PDE4D: variants seen among roughly 807,000 people sequenced by gnomAD.
PDE4D encodes the protein phosphodiesterase 4D, also known as 3',5'-cyclic-AMP phosphodiesterase 4D.
Under a neutral mutation model 87.4 loss-of-function variants are expected in PDE4D, and 24 were observed. That is an observed-to-expected ratio of 0.27 (90% CI 0.20 to 0.39). The LOEUF is 0.39. Ranked by LOEUF, PDE4D falls within the 10% of genes least tolerant of loss-of-function variation. The pLI, the probability that PDE4D is intolerant of heterozygous loss-of-function variation, is 1.00. For missense variants in PDE4D, 714 were observed against 1,041.0 expected (o/e 0.69, Z 4.32); for synonymous variants, 384 against 383.2 (o/e 1.00, Z -0.02).
In PDE4D at chr5:59,377,780, C is replaced by T. The variant is rs184903274; in HGVS notation, c.456-161812G>A. ...TCAAAACCACAATGAAATACCATCT[C>T]ACACCAGTCAGAATGGCTAGTATTA... On this transcript the variant is annotated intron_variant, in intron 1 of 14. Transcript: ENST00000340635. Among the ~76,000 whole-genome samples, 464 of 152,198 alleles carry T rather than the reference C, an allele frequency of 3.0e-3. 6 individuals are homozygous for T. The highest frequency in any genetic ancestry group is 0.01 in the African/African-American group (431 of 41,548).
At position 58,973,252 on chromosome 5, in the gene PDE4D, C is replaced by T. The variant is rs932818665; in HGVS notation, c.*1412G>A. Reference sequence around the variant, plus strand: ...AAAAGCTAGTCATGATATACAACCTCGTGGTTGAAATGAATGTTAACCCTA... The same window carrying T: ...AAAAGCTAGTCATGATATACAACCTTGTGGTTGAAATGAATGTTAACCCTA... On this transcript the variant is annotated 3_prime_UTR_variant, in exon 15 of 15. Transcript: ENST00000340635. 3 of 152,138 alleles carry T rather than the reference C, an allele frequency of 2.0e-5. No individual in the cohort carries two copies. Among genetic ancestry groups the T allele is most frequent in the African/African-American group, 4.8e-5 (2 of 41,432 alleles). The allele number at this position is 152,138 out of a possible 1,614,324, so 9.4% of individuals were successfully genotyped here. A position where few individuals can be genotyped will look rare whatever the true frequency, so the allele number is the denominator to read the frequency against.
At chr5:59,806,724 C>A (rs894114520) in intron 1 of PDE4D, among the ~76,000 whole-genome samples, 6 of 152,112 alleles carry the variant, frequency 3.9e-5, no homozygotes, top group African/African-American at 1.4e-4. Context: ...CAGTTAATAA[C>A]TATATTTTTT....
At chr5:60,296,059 A>G (rs746182511) in intron 1 of PDE4D, among the ~76,000 whole-genome samples, 2 of 152,146 alleles carry the variant, frequency 1.3e-5, no homozygotes, top group African/African-American at 4.8e-5. Context: ...GGCCTCTTTT[A>G]TAAGAGCACC....
chr5:59,849,188 A>G (rs1744312730), intron 1 of PDE4D, among the ~76,000 whole-genome samples: 1 of 152,010 alleles, frequency 6.6e-6, no homozygotes, highest in South Asian at 2.1e-4. Context: ...ATTCATTTAA[A>G]CATTTGGTTT....
At chr5:59,447,666 C>T (rs768460118) in intron 1 of PDE4D, among the ~76,000 whole-genome samples, 5 of 152,220 alleles carry the variant, frequency 3.3e-5, no homozygotes, top group Non-Finnish European at 5.9e-5. Flanking sequence ...ATGTAAAAAA[C>T]TTTAAGTACT....
chr5:59,849,217 C>T (rs1264499614), intron 1 of PDE4D, among the ~76,000 whole-genome samples: 1 of 151,136 alleles, frequency 6.6e-6, no homozygotes, highest in Non-Finnish European at 1.5e-5. Flanking sequence ...ATCTGGAAAA[C>T]TAAAAAAAAT....
chr5:59,439,859 C>T (rs575916912), intron 1 of PDE4D, among the ~76,000 whole-genome samples: 38 of 152,258 alleles, frequency 2.5e-4, no homozygotes, highest in Non-Finnish European at 5.0e-4. Context: ...TAGAGGTAAG[C>T]AGCTAGGTGC....
At chr5:60,426,161 A>G (rs956055000) in intron 1 of PDE4D, among the ~76,000 whole-genome samples, 13 of 152,204 alleles carry the variant, frequency 8.5e-5, no homozygotes, top group Non-Finnish European at 1.9e-4. Flanking sequence ...ATACCATTTG[A>G]CCCAGCCATC....
In PDE4D at chr5:60,049,445, C is replaced by A. The variant is rs937351498; in HGVS notation, c.43-60728G>T. On this transcript the variant is annotated intron_variant, in intron 2 of 16. Transcript: ENST00000502484. ...CCTTTGGACGAGGAGAGGCACTCTG[C>A]TTTTTAGAGTTTCCAGTTTTTCTGC... 5.9e-5 allele frequency among the ~76,000 whole-genome samples: 9 copies of A among 152,316 alleles called. No individual in the cohort carries two copies. In the South Asian group the frequency reaches 8.3e-4, roughly 14 times the overall value.
chr5:60,228,801 G>A lies in PDE4D; in HGVS notation c.-89-43114C>T, dbSNP rs564088140. The stretch of plus-strand genomic sequence containing the variant: ...GAGAGAGGCCCAGAAACTATACAGA[G>A]AGCGAGAAGTCATCCCAGCATCCCA... On this transcript the variant is annotated intron_variant, in intron 1 of 16. Transcript: ENST00000502484. 9.9e-5 allele frequency among the ~76,000 whole-genome samples: 15 copies of A among 152,194 alleles called. No homozygotes were observed. The South Asian group carries it at 3.1e-3, about 32-fold the overall frequency.
intron 1 of PDE4D, among the ~76,000 whole-genome samples, chr5:60,394,672 A>G (rs1762770264): frequency 6.6e-6 from 1 of 152,182 alleles, no homozygotes; most frequent in African/African-American, 2.4e-5. Context: ...GTGACCTCCA[A>G]AATTTTCCTT....
chr5:60,509,101 T>C (rs1750455616), intron 1 of PDE4D, among the ~76,000 whole-genome samples: 1 of 152,220 alleles, frequency 6.6e-6, no homozygotes, highest in South Asian at 2.1e-4. Flanking sequence ...GGTTGCACCA[T>C]GTTGGCCAGG....
intron 1 of PDE4D, among the ~76,000 whole-genome samples, chr5:59,790,722 A>G (rs1765685599): frequency 6.6e-6 from 1 of 151,918 alleles, no homozygotes; most frequent in Non-Finnish European, 1.5e-5. Flanking sequence ...GCTTTCTGTC[A>G]TCCCGTCTTC....
At chr5:59,525,755 G>A (rs1232637950) in intron 1 of PDE4D, among the ~76,000 whole-genome samples, 3 of 152,168 alleles carry the variant, frequency 2.0e-5, no homozygotes, top group Non-Finnish European at 2.9e-5. Context: ...AGATCCCCCT[G>A]CTGTTCTCAT....
At chr5:60,106,084 C>G (rs1394622137) in intron 2 of PDE4D, among the ~76,000 whole-genome samples, 1 of 151,944 alleles carries the variant, frequency 6.6e-6, no homozygotes, top group Admixed American at 6.6e-5. Flanking sequence ...AGGGTCAAGA[C>G]CCATCAGTGT....
At chr5:60,106,489 AC>A in intron 2 of PDE4D, among the ~76,000 whole-genome samples, 1 of 152,286 alleles carries the variant, frequency 6.6e-6, no homozygotes, top group African/African-American at 2.4e-5. Flanking sequence ...AATTGAACTC[AC>A]CTTTGCACCA....
At chr5:60,134,306 A>T (rs1256184514) in intron 2 of PDE4D, among the ~76,000 whole-genome samples, 1 of 152,054 alleles carries the variant, frequency 6.6e-6, no homozygotes, top group South Asian at 2.1e-4. Context: ...AGACCTACCT[A>T]AGTGACATCT....
chr5:59,351,916 A>AT (rs1780591249), intron 1 of PDE4D, among the ~76,000 whole-genome samples: 1 of 152,198 alleles, frequency 6.6e-6, no homozygotes, highest in South Asian at 2.1e-4. Context: ...TCATTATGGA[A>AT]TTTTTTTCCT....
intron 1 of PDE4D, among the ~76,000 whole-genome samples, chr5:59,217,836 C>G (rs1751590655): frequency 6.6e-6 from 1 of 152,130 alleles, no homozygotes; most frequent in Admixed American, 6.6e-5. Flanking sequence ...TGTCAATTCC[C>G]AGGAAGGCTG....
Sources: allele counts gnomAD v4.1 joint callset (sites outside exome capture counted in the v4.1 genomes callset), GRCh38; gene constraint gnomAD v4.1.1; transcripts MANE v1.5; gene names NCBI Gene and HGNC (gene_info 2026-07-23, HGNC 2026-07-21).